HOXB3: variants seen among roughly 807,000 people sequenced by gnomAD.
HOXB3 encodes homeobox B3.
A neutral mutation model predicts 29.2 loss-of-function variants in HOXB3; 17 were observed. The observed-to-expected ratio is 0.58, with a 90% CI of 0.40 to 0.87. HOXB3 has a LOEUF of 0.87. HOXB3 is among the 40% of genes least tolerant of loss of function. HOXB3 has a pLI of 0.00. For synonymous variants in HOXB3, 317 were observed against 285.9 expected, an observed-to-expected ratio of 1.11 and a Z score of -1.10; for missense variants, 637 against 616.3, an observed-to-expected ratio of 1.03 and a Z score of -0.35.
In HOXB3 at chr17:48,554,343, CGAT is replaced by C. The variant is rs576857434; in HGVS notation, c.-159+1185_-159+1187del. 3 of 386,488 alleles carry C rather than the reference CGAT, an allele frequency of 7.8e-6. No individual in the cohort carries two copies. The highest frequency in any genetic ancestry group is 1.0e-4 in the East Asian group (2 of 19,306). 23.9% of individuals were successfully genotyped at this position (386,488 alleles called of 1,614,324 possible). A position where few individuals can be genotyped will look rare whatever the true frequency, so the allele number is the denominator to read the frequency against. Reference sequence around the variant, plus strand: ...ATTGTTACAGCAATAATAATGATGACGATGATGATGATAGTAATAATAATAAAA... The same window carrying C: ...ATTGTTACAGCAATAATAATGATGACGATGATGATAGTAATAATAATAAAA... On this transcript the variant is annotated intron_variant, in intron 3 of 4. Coordinates refer to ENST00000498678, the MANE Select transcript of HOXB3 (RefSeq NM_001384749.1). The surrounding 1 kb of genome is among the most constrained non-coding windows in gnomAD (Gnocchi z 4.1).
chr17:48,550,077 C>T lies in HOXB3; in HGVS notation c.*257G>A, dbSNP rs2068655665. Reference sequence around the variant, plus strand: ...AATTCCAACTTGGTAGTGCTGGAGCCCTGGGGTTGATGGGGTCATCTCCAA... The same window carrying T: ...AATTCCAACTTGGTAGTGCTGGAGCTCTGGGGTTGATGGGGTCATCTCCAA... On this transcript the variant is annotated 3_prime_UTR_variant, in exon 5 of 5. Transcript: ENST00000498678. The T allele has an allele frequency of 1.3e-5, 6 of 473,240 alleles. No individual in the cohort carries two copies. Among genetic ancestry groups the T allele is most frequent in the Non-Finnish European group, 1.9e-5 (5 of 263,952 alleles). 29.3% of individuals were successfully genotyped at this position (473,240 alleles called of 1,614,324 possible).
At chr17:48,559,023 C>T (rs1345573035) in intron 2 of HOXB3, among the ~76,000 whole-genome samples, 2 of 151,814 alleles carry the variant, frequency 1.3e-5, no homozygotes, top group African/African-American at 2.4e-5. Context: ...CTAGCATAAA[C>T]TAATGAAGTA....
intron 1 of HOXB3, chr17:48,578,024 GCGGGTGGCGGCGCAGGAGC>G: frequency 8.0e-7 from 1 of 1,253,934 alleles, no homozygotes; most frequent in African/African-American, 1.5e-5. Flanking sequence ...GAGGGCCCCG[GCGGGTGGCGGCGCAGGAGC>G]CCGAGGGGAC....
At chr17:48,581,866 T>C (rs9907987) in intron 1 of HOXB3, 131,135 of 152,274 alleles carry the variant, frequency 0.86, 56,843 homozygotes, top group Non-Finnish European at 0.91. Context: ...TCCAGCCGCC[T>C]GAGATGGAGA....
In HOXB3 at chr17:48,552,121, A is replaced by G. The variant is rs754520157; in HGVS notation, c.354T>C (p.Gly118=). 1 of 1,613,786 alleles carries G rather than the reference A, an allele frequency of 6.2e-7. No individual in the cohort carries two copies. Among genetic ancestry groups the G allele is most frequent in the South Asian group, 1.1e-5 (1 of 91,028 alleles). Residue 118 remains glycine (G), a synonymous_variant, in exon 4 of 5, where the codon GGT becomes GGC. Coordinates refer to ENST00000498678, the MANE Select transcript of HOXB3 (RefSeq NM_001384749.1). ...GPSKSGPPKC[G]PGTNSTLTKQ... ...TGGTGAGGGTGGAGTTGGTGCCGGG[A>G]CCGCACTTTGGGGGACCACTTTTGC... is the stretch of plus-strand genomic sequence containing the variant.
chr17:48,571,305 T>C (rs1339327871), intron 2 of HOXB3, among the ~76,000 whole-genome samples: 1 of 152,012 alleles, frequency 6.6e-6, no homozygotes, highest in African/African-American at 2.4e-5. Context: ...CCAGACCCCC[T>C]CCCCAGCTGC....
At chr17:48,558,651 G>A (rs2069086569) in intron 2 of HOXB3, among the ~76,000 whole-genome samples, 1 of 152,116 alleles carries the variant, frequency 6.6e-6, no homozygotes. Context: ...CCCCTGTTTG[G>A]ACTGAGGTGT....
intron 2 of HOXB3, among the ~76,000 whole-genome samples, chr17:48,572,098 G>A (rs1015385929): frequency 2.0e-5 from 3 of 152,170 alleles, no homozygotes; most frequent in Non-Finnish European, 4.4e-5. Context: ...TTTTGGAAAG[G>A]CTCTATGTTC....
At chr17:48,582,371 A>G (rs923973113) in intron 1 of HOXB3, 4 of 151,968 alleles carry the variant, frequency 2.6e-5, no homozygotes, top group Non-Finnish European at 4.4e-5. Context: ...CCTGTCCACT[A>G]TTGTGTGTCC....
At chr17:48,582,565 C>T (rs1480854094) in intron 1 of HOXB3, 2 of 152,170 alleles carry the variant, frequency 1.3e-5, no homozygotes, top group East Asian at 3.9e-4. Flanking sequence ...AATTTTTAGA[C>T]GCCGTGACCT....
intron 1 of HOXB3, among the ~76,000 whole-genome samples, chr17:48,589,650 G>A (rs1436724675): frequency 6.6e-6 from 1 of 152,124 alleles, no homozygotes; most frequent in Non-Finnish European, 1.5e-5. Flanking sequence ...CGCCTACCCG[G>A]TGCTTTTTCT....
intron 1 of HOXB3, chr17:48,580,218 T>C (rs1778444469): frequency 3.8e-6 from 1 of 260,152 alleles, no homozygotes; most frequent in Non-Finnish European, 7.3e-6. Flanking sequence ...ATGTAAACAT[T>C]AGCTAAGCAC....
In HOXB3 at chr17:48,554,674, C is replaced by G; in HGVS notation, c.-159+857G>C. 1 of 702,304 alleles carries G rather than the reference C, an allele frequency of 1.4e-6. No individual in the cohort carries two copies. The highest frequency in any genetic ancestry group is 2.6e-6 in the Non-Finnish European group (1 of 384,798). The allele number at this position is 702,304 out of a possible 1,614,324, so 43.5% of individuals were successfully genotyped here. The stretch of plus-strand genomic sequence containing the variant: ...GAAGAAGAGCAAGCGATCAGGACAC[C>G]AAAACGGTTATCGGAGGCAGGTTCC... On this transcript the variant is annotated intron_variant, in intron 3 of 4. Transcript: ENST00000498678. The surrounding 1 kb of genome is among the most constrained non-coding windows in gnomAD (Gnocchi z 4.1).
intron 2 of HOXB3, among the ~76,000 whole-genome samples, chr17:48,564,283 T>C (rs2069306315): frequency 6.6e-6 from 1 of 151,688 alleles, no homozygotes; most frequent in Non-Finnish European, 1.5e-5. Context: ...GGGGGCCGAC[T>C]GCCAGGCCCC....
chr17:48,583,662 A>G (rs1371723272), intron 1 of HOXB3, among the ~76,000 whole-genome samples: 1 of 152,212 alleles, frequency 6.6e-6, no homozygotes, highest in East Asian at 1.9e-4. Flanking sequence ...TGGTCCTTCT[A>G]GCCCAGGACC....
intron 1 of HOXB3, chr17:48,581,582 C>G (rs1262987468): frequency 1.3e-5 from 2 of 152,276 alleles, no homozygotes; most frequent in Non-Finnish European, 2.9e-5. Flanking sequence ...CTGTCCTTCT[C>G]AACTCGCCAG....
intron 2 of HOXB3, among the ~76,000 whole-genome samples, chr17:48,566,961 C>T (rs1465606423): frequency 6.6e-6 from 1 of 152,172 alleles, no homozygotes; most frequent in Non-Finnish European, 1.5e-5. Context: ...CCCCTATGCC[C>T]CAGGTCTCTT....
At chr17:48,565,445 G>C (rs2069358826) in intron 2 of HOXB3, among the ~76,000 whole-genome samples, 2 of 152,230 alleles carry the variant, frequency 1.3e-5, no homozygotes, top group Non-Finnish European at 2.9e-5. Context: ...CTCTGTGCCT[G>C]CTCCCCAAAG....
chr17:48,563,181 G>T lies in HOXB3; in HGVS notation c.-246-7563C>A, dbSNP rs547470005. ...TGAGGCTGGGTGGGCAGAAGGCACA[G>T]GAGGCACACAGGGAAAGGGTAGAGG... On this transcript the variant is annotated intron_variant, in intron 2 of 4. Transcript: ENST00000498678. Among the ~76,000 whole-genome samples, 5 of 152,234 alleles carry T rather than the reference G, an allele frequency of 3.3e-5. No individual in the cohort carries two copies. In the East Asian group the frequency reaches 9.6e-4, roughly 29 times the overall value.
Sources: allele counts gnomAD v4.1 joint callset (sites outside exome capture counted in the v4.1 genomes callset), GRCh38; gene constraint gnomAD v4.1.1; non-coding constraint Gnocchi (gnomAD v3.1); transcripts MANE v1.5; gene names NCBI Gene and HGNC (gene_info 2026-07-23, HGNC 2026-07-21).